Variants in KCNN2 observed in about 807,000 individuals in gnomAD.
KCNN2 encodes small conductance calcium-activated potassium channel protein 2.
KCNN2 carries 24 observed loss-of-function variants against 55.5 expected under a neutral mutation model. That is an observed-to-expected ratio of 0.43 (90% CI 0.31 to 0.61). KCNN2 has a LOEUF of 0.61. Ranked by LOEUF, KCNN2 falls within the 20% of genes least tolerant of loss-of-function variation. KCNN2 has a pLI of 0.08. For synonymous variants in KCNN2, 431 were observed against 336.1 expected (o/e 1.28, Z -3.09); for missense variants, 754 against 853.6 (o/e 0.88, Z 1.45).
chr5:114,079,840 TGTGTGAGAGAGA>T (rs942589426), intron 1 of KCNN2, among the ~76,000 whole-genome samples: 3 of 144,804 alleles, frequency 2.1e-5, no homozygotes, highest in African/African-American at 7.7e-5. Context: ...TGTGTGTGTG[TGTGTGAGAGAGA>T]GAGAGAGAGA....
At chr5:114,280,055 G>C (rs1755590148) in intron 2 of KCNN2, among the ~76,000 whole-genome samples, 1 of 152,150 alleles carries the variant, frequency 6.6e-6, no homozygotes, top group Admixed American at 6.5e-5. Flanking sequence ...GGCCAGTGAT[G>C]ATGAGCATTT....
intron 1 of KCNN2, among the ~76,000 whole-genome samples, chr5:114,167,507 T>C (rs1264301417): frequency 6.6e-6 from 1 of 152,120 alleles, no homozygotes; most frequent in African/African-American, 2.4e-5. Flanking sequence ...CTCATTCTGT[T>C]CTTCTTTTTG....
At chr5:114,263,685 A>G (rs761033945) in intron 2 of KCNN2, among the ~76,000 whole-genome samples, 1 of 152,198 alleles carries the variant, frequency 6.6e-6, no homozygotes, top group Non-Finnish European at 1.5e-5. Flanking sequence ...TTTGGTCTTC[A>G]GTCTTTATCA....
intron 2 of KCNN2, among the ~76,000 whole-genome samples, chr5:114,269,568 T>G (rs1580677184): frequency 6.6e-6 from 1 of 152,122 alleles, no homozygotes; most frequent in South Asian, 2.1e-4. Context: ...ACTGTAGACC[T>G]TCCTTTCAGA....
At chr5:114,417,843 A>G (rs1437160486) in intron 3 of KCNN2, among the ~76,000 whole-genome samples, 1 of 152,182 alleles carries the variant, frequency 6.6e-6, no homozygotes, top group Non-Finnish European at 1.5e-5. Context: ...TATCTGAATC[A>G]AGCTCCTCAA....
intron 2 of KCNN2, among the ~76,000 whole-genome samples, chr5:114,247,834 G>A (rs1337516262): frequency 6.6e-6 from 1 of 152,078 alleles, no homozygotes; most frequent in Non-Finnish European, 1.5e-5. Flanking sequence ...TCAGAGGAAG[G>A]ATTATGTCTT....
intron 2 of KCNN2, among the ~76,000 whole-genome samples, chr5:114,355,525 G>A (rs1224038051): frequency 1.3e-5 from 2 of 152,120 alleles, no homozygotes; most frequent in Non-Finnish European, 2.9e-5. Context: ...TTCCACTTTT[G>A]CTAACTCTTT....
chr5:114,428,562 T>C (rs1032684498), intron 3 of KCNN2, among the ~76,000 whole-genome samples: 7 of 152,128 alleles, frequency 4.6e-5, no homozygotes, highest in African/African-American at 1.4e-4. Context: ...AATAAAATAA[T>C]TTCATTGATA....
chr5:114,364,402 A>G (rs1455530513), intron 2 of KCNN2, among the ~76,000 whole-genome samples: 2 of 152,166 alleles, frequency 1.3e-5, no homozygotes, highest in African/African-American at 4.8e-5. Flanking sequence ...ATCTATCTAT[A>G]TAATCTTCTG....
At chr5:114,413,151 A>G (rs1010695428) in intron 3 of KCNN2, among the ~76,000 whole-genome samples, 5 of 152,216 alleles carry the variant, frequency 3.3e-5, no homozygotes, top group Non-Finnish European at 5.9e-5. Context: ...CAAAACATCA[A>G]TGCTAAGTAT....
intron 1 of KCNN2, among the ~76,000 whole-genome samples, chr5:114,176,909 C>T (rs1207772932): frequency 6.6e-6 from 1 of 152,106 alleles, no homozygotes; most frequent in East Asian, 1.9e-4. Flanking sequence ...CCTAGTCTCT[C>T]TCTCTCTCTC....
chr5:114,187,112 T>G (rs1753349363), intron 1 of KCNN2, among the ~76,000 whole-genome samples: 1 of 152,228 alleles, frequency 6.6e-6, no homozygotes, highest in Non-Finnish European at 1.5e-5. Flanking sequence ...GGTCAGTTTT[T>G]AATATTCATA....
intron 1 of KCNN2, among the ~76,000 whole-genome samples, chr5:114,163,275 C>A (rs934247002): frequency 1.1e-4 from 17 of 152,018 alleles, no homozygotes; most frequent in Non-Finnish European, 2.2e-4. Flanking sequence ...GTTTGAATGC[C>A]CTTTATTTAT....
At chr5:114,350,591 A>G (rs756431115) in intron 2 of KCNN2, among the ~76,000 whole-genome samples, 1 of 151,874 alleles carries the variant, frequency 6.6e-6, no homozygotes, top group Non-Finnish European at 1.5e-5. Context: ...AGTTTATTCC[A>G]TACATTTAGG....
chr5:114,110,065 T>C (rs867940231), intron 1 of KCNN2, among the ~76,000 whole-genome samples: 1 of 152,076 alleles, frequency 6.6e-6, no homozygotes, highest in Middle Eastern at 3.2e-3. Context: ...GAGAGCATAA[T>C]GTTACTCCCC....
At chr5:114,276,746 G>A (rs1755497245) in intron 2 of KCNN2, among the ~76,000 whole-genome samples, 1 of 150,576 alleles carries the variant, frequency 6.6e-6, no homozygotes, top group Admixed American at 6.7e-5. Flanking sequence ...CATGAGATGG[G>A]TCTCCTGAAT....
chr5:114,167,749 A>G (rs1348009470), intron 1 of KCNN2, among the ~76,000 whole-genome samples: 1 of 152,148 alleles, frequency 6.6e-6, no homozygotes, highest in Non-Finnish European at 1.5e-5. Flanking sequence ...TGACTTATGC[A>G]TTCACCTGAG....
At chr5:114,266,778 G>C (rs571917024) in intron 2 of KCNN2, among the ~76,000 whole-genome samples, 1 of 152,242 alleles carries the variant, frequency 6.6e-6, no homozygotes, top group East Asian at 1.9e-4. Flanking sequence ...ACAAGGTTTA[G>C]CTAATGTCCC....
intron 1 of KCNN2, among the ~76,000 whole-genome samples, chr5:114,082,082 G>A (rs2632130): frequency 1.3e-5 from 2 of 151,678 alleles, no homozygotes; most frequent in African/African-American, 2.4e-5. Flanking sequence ...TGCTCAAGGC[G>A]GGATACCTAT....
Sources: gnomAD v4.1 joint callset for allele counts (sites outside exome capture counted in the v4.1 genomes callset) on GRCh38, gnomAD v4.1.1 for gene constraint, MANE v1.5 for transcripts, NCBI Gene and HGNC (gene_info 2026-07-23, HGNC 2026-07-21) for gene names.